SEC11A: variants seen among roughly 807,000 people sequenced by gnomAD.
The protein encoded by SEC11A is signal peptidase complex catalytic subunit SEC11A.
A neutral mutation model predicts 25.6 loss-of-function variants in SEC11A; 14 were observed. The ratio of observed to expected loss-of-function variants is 0.55; its 90% CI spans 0.36 to 0.85. SEC11A has a LOEUF of 0.85. Among genes scored for constraint, SEC11A ranks in the 40% least tolerant of loss-of-function variants. SEC11A has a pLI of 0.01. For missense variants in SEC11A, 153 were observed against 222.9 expected (o/e 0.69, Z 2.00); for synonymous variants, 83 against 76.4 (o/e 1.09, Z -0.45).
chr15:84,710,345 G>A (rs1245701754), intron 1 of SEC11A, among the ~76,000 whole-genome samples: 1 of 152,074 alleles, frequency 6.6e-6, no homozygotes, highest in Non-Finnish European at 1.5e-5. Flanking sequence ...TCTTAAAGGT[G>A]ATTGTTGGCT....
chr15:84,670,474 G>T (rs1896954174), intron 5 of SEC11A: 2 of 291,308 alleles, frequency 6.9e-6, no homozygotes, highest in East Asian at 7.7e-5. Context: ...CCTGACCTCA[G>T]GTGATCTGCC....
intron 1 of SEC11A, among the ~76,000 whole-genome samples, chr15:84,699,550 T>C (rs1378486109): frequency 6.6e-6 from 1 of 152,110 alleles, no homozygotes; most frequent in East Asian, 1.9e-4. Context: ...CCTCAACTTA[T>C]AGATCGGAGA....
chr15:84,686,556 A>G (rs921162476), intron 3 of SEC11A: 1 of 152,218 alleles, frequency 6.6e-6, no homozygotes, highest in Non-Finnish European at 1.5e-5. Flanking sequence ...GGTTGCAGTG[A>G]GCCGAGATAG....
chr15:84,693,617 C>A (rs1370871774), intron 1 of SEC11A, among the ~76,000 whole-genome samples: 1 of 151,956 alleles, frequency 6.6e-6, no homozygotes, highest in East Asian at 1.9e-4. Flanking sequence ...TGCATCATCA[C>A]GCCCGGCCAA....
At chr15:84,705,143 T>G (rs973981837) in intron 1 of SEC11A, among the ~76,000 whole-genome samples, 1 of 152,182 alleles carries the variant, frequency 6.6e-6, no homozygotes, top group African/African-American at 2.4e-5. Context: ...CAGGCTGGTC[T>G]TGAACTCCTG....
At chr15:84,689,914 G>A (rs1897553077) in intron 2 of SEC11A, among the ~76,000 whole-genome samples, 1 of 151,974 alleles carries the variant, frequency 6.6e-6, no homozygotes, top group Admixed American at 6.6e-5. Context: ...AGCCTATAAT[G>A]TTTCAGTCAA....
At chr15:84,708,853 CA>C (rs1002270719) in intron 1 of SEC11A, among the ~76,000 whole-genome samples, 66 of 151,972 alleles carry the variant, frequency 4.3e-4, no homozygotes, top group African/African-American at 1.4e-3. Context: ...ACTGCAATAA[CA>C]GTTAAGAGTT....
intron 1 of SEC11A, among the ~76,000 whole-genome samples, chr15:84,715,499 G>C (rs981903818): frequency 2.6e-5 from 4 of 152,154 alleles, no homozygotes; most frequent in African/African-American, 9.7e-5. Context: ...GTTCCAACTC[G>C]GAGCCCAGAG....
At chr15:84,680,172 G>A (rs12440825) in intron 4 of SEC11A, among the ~76,000 whole-genome samples, 1,782 of 151,886 alleles carry the variant, frequency 0.012, 123 homozygotes, top group Admixed American at 0.11. Context: ...ATGGTGGCGG[G>A]CGCCTGTAAT....
In SEC11A at chr15:84,676,639, CTAATCCCAGCTACTCAGGAAGCTG is replaced by C. The variant is rs796100721; in HGVS notation, c.431+4050_431+4073del. Among the ~76,000 whole-genome samples, 44 of 150,770 alleles carry C rather than the reference CTAATCCCAGCTACTCAGGAAGCTG, an allele frequency of 2.9e-4. 1 individual carries two copies. The highest frequency in any genetic ancestry group is 9.0e-4 in the African/African-American group (37 of 41,026). On this transcript the variant is annotated intron_variant, in intron 4 of 5. Coordinates refer to ENST00000268220, the MANE Select transcript of SEC11A (RefSeq NM_014300.4). The stretch of plus-strand genomic sequence containing the variant: ...AATACAAAAAATTAGCTGGGCATGG[CTAATCCCAGCTACTCAGGAAGCTG>C]TAATCCCAGCTACTCAGGAAGCTGA...
At chr15:84,674,830 G>C (rs889106418) in intron 4 of SEC11A, among the ~76,000 whole-genome samples, 5 of 152,168 alleles carry the variant, frequency 3.3e-5, no homozygotes, top group Non-Finnish European at 4.4e-5. Context: ...AAAGTGCTGA[G>C]ATTACAAGCG....
intron 1 of SEC11A, among the ~76,000 whole-genome samples, chr15:84,707,487 G>T (rs918357129): frequency 2.6e-4 from 39 of 151,944 alleles, no homozygotes; most frequent in African/African-American, 9.2e-4. Flanking sequence ...CCCGGCTGAG[G>T]TTTTATTACT....
At chr15:84,714,483 C>A (rs1178359930) in intron 1 of SEC11A, among the ~76,000 whole-genome samples, 1 of 152,218 alleles carries the variant, frequency 6.6e-6, no homozygotes, top group Non-Finnish European at 1.5e-5. Context: ...CAACTAATGT[C>A]AGTGAAGTAT....
intron 1 of SEC11A, among the ~76,000 whole-genome samples, chr15:84,704,496 T>C (rs1187056331): frequency 3.9e-5 from 6 of 152,308 alleles, no homozygotes; most frequent in Non-Finnish European, 5.9e-5. Flanking sequence ...CTCCGCCAGC[T>C]AGCTTAATGT....
chr15:84,700,798 T>C (rs1023875814), intron 1 of SEC11A, among the ~76,000 whole-genome samples: 15 of 149,662 alleles, frequency 1.0e-4, no homozygotes, highest in Non-Finnish European at 1.5e-4. Flanking sequence ...CTGACCAACA[T>C]GGAGAAACTC....
intron 1 of SEC11A, among the ~76,000 whole-genome samples, chr15:84,706,678 G>A (rs538084522): frequency 1.3e-5 from 2 of 152,284 alleles, no homozygotes; most frequent in African/African-American, 2.4e-5. Context: ...ATCTTTATTC[G>A]AAAGCTAACA....
At chr15:84,693,650 G>A (rs113446929) in intron 1 of SEC11A, among the ~76,000 whole-genome samples, 3 of 151,808 alleles carry the variant, frequency 2.0e-5, no homozygotes, top group Non-Finnish European at 4.4e-5. Context: ...TAGTAGAGAC[G>A]GGGTTTCACC....
chr15:84,705,716 G>GT (rs1410585194), intron 1 of SEC11A, among the ~76,000 whole-genome samples: 1 of 151,640 alleles, frequency 6.6e-6, no homozygotes, highest in Non-Finnish European at 1.5e-5. Flanking sequence ...TTAGCCAGGC[G>GT]TGGTGGTGTG....
chr15:84,698,179 T>A (rs994849548), intron 1 of SEC11A, among the ~76,000 whole-genome samples: 1 of 152,192 alleles, frequency 6.6e-6, no homozygotes, highest in Non-Finnish European at 1.5e-5. Flanking sequence ...AATACTATAA[T>A]TTAATGGGCT....
Sources: gnomAD v4.1 joint callset for allele counts (sites outside exome capture counted in the v4.1 genomes callset) on GRCh38, gnomAD v4.1.1 for gene constraint, MANE v1.5 for transcripts, NCBI Gene and HGNC (gene_info 2026-07-23, HGNC 2026-07-21) for gene names.